Variants in SMYD3 observed in about 807,000 individuals in gnomAD.
SMYD3 encodes the protein histone-lysine N-methyltransferase SMYD3.
SMYD3 carries 36 observed loss-of-function variants against 57.7 expected under a neutral mutation model. The observed-to-expected ratio is 0.62, with a 90% CI of 0.48 to 0.82. The LOEUF (loss-of-function observed/expected upper bound fraction) is 0.82, where lower values mean the gene tolerates loss of function less well. Among genes scored for constraint, SMYD3 ranks in the 40% least tolerant of loss-of-function variants. The pLI, the probability that SMYD3 is intolerant of heterozygous loss-of-function variation, is 0.00. For missense variants in SMYD3, 515 were observed against 538.8 expected (o/e 0.96, Z 0.44); for synonymous variants, 211 against 195.0 (o/e 1.08, Z -0.68).
At chr1:245,859,648 C>T (rs763844581) in intron 9 of SMYD3, among the ~76,000 whole-genome samples, 4 of 152,142 alleles carry the variant, frequency 2.6e-5, no homozygotes, top group African/African-American at 9.7e-5. Flanking sequence ...GTGTGTTAGG[C>T]GAGCTGGAGA....
chr1:246,471,177 T>C (rs2067956740), intron 1 of SMYD3, among the ~76,000 whole-genome samples: 1 of 152,178 alleles, frequency 6.6e-6, no homozygotes, highest in South Asian at 2.1e-4. Context: ...TGACCAATTT[T>C]AAAAGATGTT....
At chr1:246,444,333 C>T (rs529656565) in intron 1 of SMYD3, among the ~76,000 whole-genome samples, 1 of 152,088 alleles carries the variant, frequency 6.6e-6, no homozygotes, top group Admixed American at 6.6e-5. Context: ...ACCATGTTGG[C>T]CAGACTGGTC....
chr1:246,413,746 C>T (rs2067014108), intron 1 of SMYD3, among the ~76,000 whole-genome samples: 1 of 152,128 alleles, frequency 6.6e-6, no homozygotes, highest in Admixed American at 6.5e-5. Flanking sequence ...CATCAGAAAC[C>T]AAGCAGATGC....
At chr1:246,385,334 C>T (rs1469625626) in intron 1 of SMYD3, among the ~76,000 whole-genome samples, 2 of 151,954 alleles carry the variant, frequency 1.3e-5, no homozygotes, top group African/African-American at 4.8e-5. Context: ...CCTAAGTATA[C>T]TTAGGATATA....
chr1:246,501,700 A>T (rs983429321), intron 1 of SMYD3, among the ~76,000 whole-genome samples: 2 of 152,180 alleles, frequency 1.3e-5, no homozygotes, highest in Non-Finnish European at 2.9e-5. Context: ...ATGCTAACCT[A>T]GCAATCCTAG....
At chr1:245,931,642 AAGG>A (rs2056727345) in intron 5 of SMYD3, among the ~76,000 whole-genome samples, 1 of 152,224 alleles carries the variant, frequency 6.6e-6, no homozygotes, top group Non-Finnish European at 1.5e-5. Flanking sequence ...AAAACAAAAA[AAGG>A]AGAAGAGGCT....
intron 8 of SMYD3, among the ~76,000 whole-genome samples, chr1:245,902,685 C>G: frequency 6.6e-6 from 1 of 152,228 alleles, no homozygotes; most frequent in South Asian, 2.1e-4. Context: ...AAAGGTTGCC[C>G]AAGCCTCCAC....
intron 5 of SMYD3, among the ~76,000 whole-genome samples, chr1:246,122,617 T>C (rs547721192): frequency 6.6e-6 from 1 of 152,326 alleles, no homozygotes; most frequent in Non-Finnish European, 1.5e-5. Context: ...TTTTCAAAAA[T>C]GCACCAACTA....
intron 1 of SMYD3, among the ~76,000 whole-genome samples, chr1:246,384,496 A>C (rs2066439547): frequency 6.6e-6 from 1 of 152,060 alleles, no homozygotes; most frequent in South Asian, 2.1e-4. Flanking sequence ...CCCGGATTCA[A>C]GCAATTCTCC....
At chr1:245,915,441 T>A in intron 8 of SMYD3, 89 bp downstream of exon 8, 1 of 776,634 alleles carries the variant, frequency 1.3e-6, no homozygotes, top group Admixed American at 1.9e-5. Flanking sequence ...GGGTCATTAC[T>A]TTTGGGTTTA....
At chr1:246,220,223 G>A (rs764724918) in intron 5 of SMYD3, among the ~76,000 whole-genome samples, 6 of 151,896 alleles carry the variant, frequency 4.0e-5, no homozygotes, top group South Asian at 2.1e-4. Flanking sequence ...CATTCCAGAC[G>A]ACCCACTGCT....
intron 5 of SMYD3, among the ~76,000 whole-genome samples, chr1:246,178,518 C>T (rs1338442126): frequency 1.3e-5 from 2 of 152,142 alleles, no homozygotes; most frequent in Non-Finnish European, 2.9e-5. Context: ...TATTTTCACG[C>T]TTGCCACATC....
intron 1 of SMYD3, among the ~76,000 whole-genome samples, chr1:246,506,316 A>ACGTGC (rs1243262524): frequency 1.1e-4 from 16 of 152,156 alleles, no homozygotes; most frequent in East Asian, 3.9e-4. Flanking sequence ...GGCTTCCAAA[A>ACGTGC]CACCTTCACG....
chr1:245,826,475 A>T (rs2153410), intron 10 of SMYD3, among the ~76,000 whole-genome samples: 1 of 152,054 alleles, frequency 6.6e-6, no homozygotes, highest in African/African-American at 2.4e-5. Context: ...TCAGCCTCCC[A>T]AAGTGCTAGG....
At chr1:245,944,296 G>A (rs78382438) in intron 5 of SMYD3, among the ~76,000 whole-genome samples, 41 of 151,250 alleles carry the variant, frequency 2.7e-4, no homozygotes, top group African/African-American at 9.2e-4. Context: ...GCAAACTCTC[G>A]GGATTAAAAA....
At chr1:245,828,136 A>G (rs1348147629) in intron 10 of SMYD3, among the ~76,000 whole-genome samples, 1 of 152,222 alleles carries the variant, frequency 6.6e-6, no homozygotes, top group African/African-American at 2.4e-5. Flanking sequence ...CACATATTAA[A>G]TAAAGACACT....
chr1:245,789,354 C>CTCTA (rs2047174626), intron 10 of SMYD3, among the ~76,000 whole-genome samples: 1 of 152,142 alleles, frequency 6.6e-6, no homozygotes, highest in South Asian at 2.1e-4. Flanking sequence ...AGGAATGGCA[C>CTCTA]TAGAACCCAG....
At chr1:246,384,401 AT>A (rs572742563) in intron 1 of SMYD3, among the ~76,000 whole-genome samples, 77 of 147,586 alleles carry the variant, frequency 5.2e-4, no homozygotes, top group African/African-American at 1.0e-3. Flanking sequence ...TAGAAACAGA[AT>A]TTTTTTTTTT....
intron 1 of SMYD3, among the ~76,000 whole-genome samples, chr1:246,489,505 G>A (rs2103067332): frequency 6.6e-6 from 1 of 152,274 alleles, no homozygotes; most frequent in East Asian, 1.9e-4. Context: ...GGTTTAAGAG[G>A]CAGAAGGTTA....
Sources: allele counts gnomAD v4.1 joint callset (sites outside exome capture counted in the v4.1 genomes callset), GRCh38; gene constraint gnomAD v4.1.1; transcripts MANE v1.5; gene names NCBI Gene and HGNC (gene_info 2026-07-23, HGNC 2026-07-21).